Variants in FSD1L observed in about 807,000 individuals in gnomAD.
The protein encoded by FSD1L is fibronectin type III and SPRY domain containing 1 like.
In FSD1L, 45 loss-of-function variants were observed where a neutral mutation model predicts 71.6. That is an observed-to-expected ratio of 0.63 (90% CI 0.49 to 0.81). FSD1L has a LOEUF of 0.81. Among genes scored for constraint, FSD1L ranks in the 30% least tolerant of loss-of-function variants. FSD1L has a pLI of 0.00. For synonymous variants in FSD1L, 197 were observed against 207.2 expected (o/e 0.95, Z 0.42); for missense variants, 561 against 618.1 (o/e 0.91, Z 0.98).
upstream of FSD1L, among the ~76,000 whole-genome samples, chr9:105,443,784 ATTAGG>A (rs1206187951): frequency 6.6e-6 from 1 of 152,168 alleles, no homozygotes; most frequent in Non-Finnish European, 1.5e-5. Flanking sequence ...AAAAATCAGA[ATTAGG>A]TTTCTATGGT....
At chr9:105,532,467 A>G (rs149170042) in intron 10 of FSD1L, among the ~76,000 whole-genome samples, 74 of 152,346 alleles carry the variant, frequency 4.9e-4, no homozygotes, top group Admixed American at 1.1e-3. Flanking sequence ...AAGTGAAAAC[A>G]TATATTTTTG....
intron 6 of FSD1L, among the ~76,000 whole-genome samples, chr9:105,481,665 G>A (rs1275279935): frequency 6.6e-6 from 1 of 151,912 alleles, no homozygotes; most frequent in Non-Finnish European, 1.5e-5. Flanking sequence ...TTTGGTACTC[G>A]CCAAAAGTGA....
chr9:105,450,670 A>G (rs1829937298), intron 1 of FSD1L, among the ~76,000 whole-genome samples: 1 of 151,554 alleles, frequency 6.6e-6, no homozygotes, highest in African/African-American at 2.4e-5. Context: ...AGTAGCTGGG[A>G]TTACAGGCGC....
At chr9:105,509,511 G>T (rs1834274718) in intron 9 of FSD1L, among the ~76,000 whole-genome samples, 1 of 152,132 alleles carries the variant, frequency 6.6e-6, no homozygotes. Context: ...TTTAATTCCA[G>T]AACCAGACTC....
chr9:105,485,541 T>G (rs998311442), intron 7 of FSD1L, among the ~76,000 whole-genome samples: 1 of 150,092 alleles, frequency 6.7e-6, no homozygotes, highest in East Asian at 1.9e-4. Flanking sequence ...GTGTTTTTTT[T>G]TTTTTTTTTT....
upstream of FSD1L, among the ~76,000 whole-genome samples, chr9:105,446,711 C>CTTT (rs59960095): frequency 0.27 from 36,935 of 138,568 alleles, 5,049 homozygotes; most frequent in Non-Finnish European, 0.31. Flanking sequence ...AGCACGTTAA[C>CTTT]TTTTTTTTTT....
intron 9 of FSD1L, among the ~76,000 whole-genome samples, chr9:105,509,659 T>C (rs1834284805): frequency 6.6e-6 from 1 of 152,166 alleles, no homozygotes. Context: ...AAACAAAATA[T>C]AAGGCCTATA....
intron 3 of FSD1L, among the ~76,000 whole-genome samples, chr9:105,466,320 A>G (rs939624995): frequency 3.3e-5 from 5 of 152,242 alleles, no homozygotes; most frequent in African/African-American, 1.2e-4. Flanking sequence ...AAAGTAATCT[A>G]CAGATTCATT....
At chr9:105,484,293 T>C in intron 6 of FSD1L, 88 bp from the exon 7 acceptor site, 2 of 924,098 alleles carry the variant, frequency 2.2e-6, no homozygotes, top group Non-Finnish European at 3.0e-6. Flanking sequence ...TTATTAGTGA[T>C]ATAATTTGTC....
chr9:105,486,606 A>G lies in FSD1L; in HGVS notation c.586+2104A>G, dbSNP rs563624035. ...CCATATGTCTCTACTTACCACCAGT[A>G]TGACCCTAAAACTTCAGAATTTCAC... On this transcript the variant is annotated intron_variant, in intron 7 of 13. Transcript: ENST00000481272. Among the ~76,000 whole-genome samples, 335 of 152,272 alleles carry G rather than the reference A, an allele frequency of 2.2e-3. 1 individual carries two copies. The highest frequency in any genetic ancestry group is 7.8e-3 in the African/African-American group (323 of 41,582).
chr9:105,497,354 G>C (rs951833768), intron 7 of FSD1L, among the ~76,000 whole-genome samples: 1 of 152,128 alleles, frequency 6.6e-6, no homozygotes, highest in Non-Finnish European at 1.5e-5. Flanking sequence ...GTCAGTTTTG[G>C]TATTAGGGTA....
At chr9:105,486,693 G>A (rs575546142) in intron 7 of FSD1L, among the ~76,000 whole-genome samples, 6 of 152,184 alleles carry the variant, frequency 3.9e-5, no homozygotes, top group African/African-American at 1.4e-4. Flanking sequence ...TGAGTGGAGA[G>A]CAAAGAAAAA....
chr9:105,515,786 A>G (rs1284710590), intron 10 of FSD1L, among the ~76,000 whole-genome samples: 1 of 144,808 alleles, frequency 6.9e-6, no homozygotes, highest in African/African-American at 2.6e-5. Flanking sequence ...TAGCTGCAGA[A>G]GGTTTTTTTT....
chr9:105,536,255 T>G (rs1836257551), intron 12 of FSD1L, among the ~76,000 whole-genome samples: 1 of 152,256 alleles, frequency 6.6e-6, no homozygotes, highest in Admixed American at 6.5e-5. Context: ...TTTTCCCATC[T>G]GAATAAACAC....
chr9:105,463,138 C>T (rs138308981), intron 2 of FSD1L, among the ~76,000 whole-genome samples: 1,398 of 74,150 alleles, frequency 0.019, 21 homozygotes, highest in African/African-American at 0.068. Context: ...AAAACTCTGT[C>T]TCGAGAAAAA....
chr9:105,485,607 T>C (rs1832495324), intron 7 of FSD1L, among the ~76,000 whole-genome samples: 1 of 140,054 alleles, frequency 7.1e-6, no homozygotes, highest in Admixed American at 7.8e-5. Context: ...ATTTGAGGGA[T>C]CAAGGAATTT....
intron 10 of FSD1L, among the ~76,000 whole-genome samples, chr9:105,519,881 T>G (rs1835006786): frequency 6.6e-6 from 1 of 152,112 alleles, no homozygotes; most frequent in Non-Finnish European, 1.5e-5. Context: ...CCTCGCTCCG[T>G]GCAGGGCCGG....
intron 7 of FSD1L, among the ~76,000 whole-genome samples, chr9:105,491,159 G>C (rs1478328254): frequency 2.0e-5 from 3 of 151,988 alleles, no homozygotes; most frequent in African/African-American, 4.8e-5. Flanking sequence ...TCTTCCATTT[G>C]TTTGTATCCT....
At chr9:105,481,448 C>G (rs1832199250) in intron 6 of FSD1L, among the ~76,000 whole-genome samples, 1 of 148,954 alleles carries the variant, frequency 6.7e-6, no homozygotes, top group Non-Finnish European at 1.5e-5. Context: ...CCACACCCAG[C>G]TAATTTGTGT....
Sources: allele counts gnomAD v4.1 joint callset (sites outside exome capture counted in the v4.1 genomes callset), GRCh38; gene constraint gnomAD v4.1.1; transcripts MANE v1.5; gene names NCBI Gene and HGNC (gene_info 2026-07-23, HGNC 2026-07-21).